Variants in TBC1D30 observed in about 807,000 individuals in gnomAD.
TBC1D30 encodes the protein TBC1 domain family, member 30.
Under a neutral mutation model 63.2 loss-of-function variants are expected in TBC1D30, and 31 were observed. The ratio of observed to expected loss-of-function variants is 0.49; its 90% confidence interval spans 0.37 to 0.66. The LOEUF (loss-of-function observed/expected upper bound fraction) is 0.66. TBC1D30 is among the 30% of genes least tolerant of loss of function. TBC1D30 has a pLI of 0.00. For synonymous variants in TBC1D30, 307 were observed against 361.5 expected, an observed-to-expected ratio of 0.85 and a Z score of 1.71; for missense variants, 810 against 953.6, an observed-to-expected ratio of 0.85 and a Z score of 1.98.
intron 8 of TBC1D30, among the ~76,000 whole-genome samples, chr12:64,859,497 C>A (rs1293209309): frequency 6.6e-6 from 1 of 152,042 alleles, no homozygotes; most frequent in Non-Finnish European, 1.5e-5. Context: ...TTCAAAGGGA[C>A]AAGTCTGACA....
rs181992426 is a variant in TBC1D30 at position 64,804,625 on chromosome 12, C to T, written c.643+18580C>T. On this transcript the variant is annotated intron_variant, in intron 2 of 12. Transcript: ENST00000542120. ...ATTCAGTATGATATTGGCTGATCCC[C>T]ACCAATTTTCTGATGTGTCAGATTG... 4.6e-5 allele frequency among the ~76,000 whole-genome samples: 7 copies of T among 152,262 alleles called. No individual in the cohort carries two copies. The East Asian group carries it at 1.4e-3, about 29-fold the overall frequency.
At position 64,876,225 on chromosome 12, in the gene TBC1D30, A is replaced by C. The variant is rs1038107942; in HGVS notation, c.*437A>C. On this transcript the variant is annotated 3_prime_UTR_variant, in exon 12 of 12. Coordinates refer to ENST00000539867, the MANE Select transcript of TBC1D30 (RefSeq NM_015279.2). ...TTGCTAGGACAGAAACTGTAAAAAG[A>C]AAGTAAGTTTCTTCGTTACAAAAAA... The C allele has an allele frequency of 6.2e-6, 1 of 160,068 alleles. No individual in the cohort carries two copies. Among genetic ancestry groups the C allele is most frequent in the Admixed American group, 6.1e-5 (1 of 16,388 alleles). 9.9% of individuals were successfully genotyped at this position (160,068 alleles called of 1,614,324 possible). A position where few individuals can be genotyped will look rare whatever the true frequency, so the allele number is the denominator to read the frequency against.
chr12:64,788,425 A>G (rs2136299250), intron 2 of TBC1D30, among the ~76,000 whole-genome samples: 1 of 152,254 alleles, frequency 6.6e-6, no homozygotes, highest in African/African-American at 2.4e-5. Flanking sequence ...GAAAGCACAG[A>G]ATGGTAAATG....
exon 1 of TBC1D30, chr12:64,781,138 G>T (rs1230139130): frequency 1.2e-5 from 12 of 1,008,080 alleles, no homozygotes; most frequent in African/African-American, 1.7e-5. Context: ...GCCGCCGGCG[G>T]CGCCGCGACA....
chr12:64,778,894 C>G (rs193017995), upstream of TBC1D30, among the ~76,000 whole-genome samples: 1 of 152,244 alleles, frequency 6.6e-6, no homozygotes, highest in Non-Finnish European at 1.5e-5. Context: ...AGGGGAAGAT[C>G]ATTCCATAAG....
intron 1 of TBC1D30, among the ~76,000 whole-genome samples, chr12:64,772,689 A>G (rs998496677): frequency 2.6e-5 from 4 of 152,082 alleles, no homozygotes; most frequent in Non-Finnish European, 1.5e-5. Flanking sequence ...CGGCCTCCTA[A>G]AGTGCTGGGA....
At chr12:64,874,150 G>T (rs1311553852) in intron 11 of TBC1D30, among the ~76,000 whole-genome samples, 1 of 152,176 alleles carries the variant, frequency 6.6e-6, no homozygotes, top group South Asian at 2.1e-4. Context: ...ATGCAGTGGC[G>T]CAATGTCAGC....
chr12:64,822,976 G>C (rs1459172841), upstream of TBC1D30, among the ~76,000 whole-genome samples: 1 of 151,824 alleles, frequency 6.6e-6, no homozygotes, highest in Non-Finnish European at 1.5e-5. Context: ...GGGTGCTGTG[G>C]GTGTTCATTG....
chr12:64,763,954 A>G (rs968980608), intron 1 of TBC1D30, among the ~76,000 whole-genome samples: 9 of 152,214 alleles, frequency 5.9e-5, no homozygotes, highest in African/African-American at 2.2e-4. Context: ...TTTAAAGAGC[A>G]TGCAGCCCTT....
intron 2 of TBC1D30, among the ~76,000 whole-genome samples, chr12:64,798,562 C>G (rs1394839266): frequency 6.6e-6 from 1 of 152,140 alleles, no homozygotes; most frequent in African/African-American, 2.4e-5. Flanking sequence ...AAGACAAGGA[C>G]TCGTTTGAGT....
At position 64,875,010 on chromosome 12, in the gene TBC1D30, C is replaced by A; in HGVS notation, c.1508C>A (p.Pro503Gln). The change falls in exon 12 of 12, where the codon CCA becomes CAA. Residue 503 changes from proline (P) to glutamine (Q), a missense_variant. Physicochemically the swap from Pro to Gln is moderately conservative, Grantham distance 76 (BLOSUM62 -1). Coordinates refer to ENST00000539867, the MANE Select transcript of TBC1D30 (RefSeq NM_015279.2). ...HQVYIRADKG[P>Q]VTSILPSQVN... is the part of the protein sequence containing the mutation. ...TCAACATTTCTTTCAGACAAAGGGCCAGTGACCAGCATTCTCCCGTCTCAG... is the reference window on the plus strand; with the variant it reads ...TCAACATTTCTTTCAGACAAAGGGCAAGTGACCAGCATTCTCCCGTCTCAG... 6.5e-7 allele frequency: 1 copy of A among 1,535,684 alleles called. No individual in the cohort carries two copies. Among genetic ancestry groups the A allele is most frequent in the Non-Finnish European group, 8.7e-7 (1 of 1,146,408 alleles).
At chr12:64,812,991 T>C (rs1389327938) in intron 2 of TBC1D30, among the ~76,000 whole-genome samples, 1 of 152,106 alleles carries the variant, frequency 6.6e-6, no homozygotes, top group Non-Finnish European at 1.5e-5. Flanking sequence ...AATTTCTAGG[T>C]CAAATTGGGT....
chr12:64,769,480 C>G (rs1870829018), intron 1 of TBC1D30, among the ~76,000 whole-genome samples: 1 of 151,378 alleles, frequency 6.6e-6, no homozygotes, highest in South Asian at 2.1e-4. Context: ...CGGATTCAAG[C>G]AATTCTCTGC....
chr12:64,860,457 T>C (rs1205251821), intron 8 of TBC1D30, among the ~76,000 whole-genome samples: 1 of 151,756 alleles, frequency 6.6e-6, no homozygotes, highest in Non-Finnish European at 1.5e-5. Flanking sequence ...CCCGCTGCTT[T>C]TAAAGTATAT....
intron 1 of TBC1D30, among the ~76,000 whole-genome samples, chr12:64,785,462 T>C (rs943424001): frequency 4.6e-5 from 7 of 152,120 alleles, no homozygotes; most frequent in African/African-American, 1.2e-4. Flanking sequence ...AAGACTTTTT[T>C]TTTTTTTTAA....
At chr12:64,784,084 T>G (rs1430446796) in intron 1 of TBC1D30, among the ~76,000 whole-genome samples, 1 of 151,888 alleles carries the variant, frequency 6.6e-6, no homozygotes, top group East Asian at 1.9e-4. Flanking sequence ...ACTTAAATGT[T>G]CTCTTTTCAT....
At position 64,870,709 on chromosome 12, in the gene TBC1D30, A is replaced by G. The variant is rs1490928598; in HGVS notation, c.1399A>G (p.Met467Val). The G allele has an allele frequency of 6.5e-7, 1 of 1,536,006 alleles. No individual in the cohort carries two copies. The highest frequency in any genetic ancestry group is 1.4e-5 in the African/African-American group (1 of 73,034). The change falls in exon 11 of 12, where the codon ATG becomes GTG. Residue 467 changes from methionine (M) to valine (V), a missense_variant. Met to Val is a conservative substitution (Grantham distance 21). Around this residue, in one of 4 missense-constraint regions of TBC1D30, gnomAD observed 450 missense variants for 473.0 expected, o/e 0.95. Coordinates refer to ENST00000539867, the MANE Select transcript of TBC1D30 (RefSeq NM_015279.2). ...EYHAAFNSMM[M>V]ERMTTDINAL... ...CCATGCAGCTTTTAACAGTATGATG[A>G]TGGAACGCATGACCACAGATATCAA...
intron 2 of TBC1D30, among the ~76,000 whole-genome samples, chr12:64,806,619 G>A (rs1430175672): frequency 3.3e-5 from 5 of 152,142 alleles, no homozygotes; most frequent in South Asian, 4.1e-4. Flanking sequence ...ACAGTATGGT[G>A]GTTCCTCAAA....
At chr12:64,781,601 G>A (rs994443276) in intron 1 of TBC1D30, among the ~76,000 whole-genome samples, 3 of 152,200 alleles carry the variant, frequency 2.0e-5, no homozygotes, top group Admixed American at 2.0e-4. Context: ...CTGAACAGCT[G>A]TTAGGACAGG....
Sources: gnomAD v4.1 joint callset for allele counts (sites outside exome capture counted in the v4.1 genomes callset) on GRCh38, gnomAD v4.1.1 for gene constraint, gnomAD v4.1.1 regional missense constraint, MANE v1.5 for transcripts, NCBI Gene and HGNC (gene_info 2026-07-23, HGNC 2026-07-21) for gene names.